SREBF2: variants seen among roughly 807,000 people sequenced by gnomAD.
The protein encoded by SREBF2 is sterol regulatory element binding transcription factor 2, also known as sterol regulatory element-binding protein 2.
A neutral mutation model predicts 113.1 loss-of-function variants in SREBF2; 55 were observed. The ratio of observed to expected loss-of-function variants is 0.49; its 90% CI spans 0.39 to 0.61. The LOEUF (loss-of-function observed/expected upper bound fraction) is 0.61, where lower values mean the gene tolerates loss of function less well. Ranked by LOEUF, SREBF2 falls within the 20% of genes least tolerant of loss-of-function variation. SREBF2 has a pLI of 0.00. For missense variants in SREBF2, 1,349 were observed against 1,487.4 expected, an observed-to-expected ratio of 0.91 and a Z score of 1.53; for synonymous variants, 593 against 605.7, an observed-to-expected ratio of 0.98 and a Z score of 0.31.
intron 1 of SREBF2, among the ~76,000 whole-genome samples, chr22:41,837,643 G>A (rs1291849763): frequency 6.6e-6 from 1 of 151,218 alleles, no homozygotes; most frequent in African/African-American, 2.4e-5. Flanking sequence ...TGGATCACCT[G>A]AGGTTGGGAG....
intron 1 of SREBF2, among the ~76,000 whole-genome samples, chr22:41,843,488 T>G (rs1012129738): frequency 1.3e-5 from 2 of 152,246 alleles, no homozygotes; most frequent in African/African-American, 4.8e-5. Flanking sequence ...CAATCTTTTC[T>G]TCAATTCTGT....
chr22:41,886,725 G>T (rs564621043), intron 11 of SREBF2, among the ~76,000 whole-genome samples: 50 of 152,238 alleles, frequency 3.3e-4, no homozygotes, highest in African/African-American at 1.2e-3. Context: ...ACTTATCAAA[G>T]TACATGCTTA....
In SREBF2 at chr22:41,867,349, T is replaced by G. The variant is rs143651007; in HGVS notation, c.538+69T>G. 6.8e-4 allele frequency: 1,048 copies of G among 1,532,924 alleles called. 6 individuals carry two copies. In the African/African-American group the frequency reaches 0.013, roughly 19 times the overall value. The allele number at this position is 1,532,924 out of a possible 1,614,324, so 95.0% of individuals were successfully genotyped here. On this transcript the variant is annotated intron_variant, in intron 2 of 18. Coordinates refer to ENST00000361204, the MANE Select transcript of SREBF2 (RefSeq NM_004599.4). ...TTTATGTGCCAGTTTGCAGACACTG[T>G]AAATATTTCTGTCGTCTTCAGGAAT...
intron 1 of SREBF2, among the ~76,000 whole-genome samples, chr22:41,846,031 T>C (rs59946017): frequency 2.0e-5 from 3 of 152,200 alleles, no homozygotes; most frequent in African/African-American, 7.2e-5. Flanking sequence ...AACAGCCATT[T>C]TGAAGGGCTT....
At chr22:41,896,366 G>C (rs1049912230) in intron 13 of SREBF2, among the ~76,000 whole-genome samples, 1 of 151,926 alleles carries the variant, frequency 6.6e-6, no homozygotes, top group African/African-American at 2.4e-5. Flanking sequence ...TTTGTTTTTT[G>C]GGGGGTTTTT....
chr22:41,899,054 G>A, intron 15 of SREBF2: 1 of 601,030 alleles, frequency 1.7e-6, no homozygotes, highest in Non-Finnish European at 2.7e-6. Flanking sequence ...AGCCTTCATG[G>A]CGCCACAGGC....
chr22:41,873,742 T>G, intron 4 of SREBF2, 56 bp from the exon 5 acceptor site: 1 of 1,540,004 alleles, frequency 6.5e-7, no homozygotes, highest in South Asian at 1.2e-5. Flanking sequence ...GTGTTGAGGT[T>G]GCTTTATGCA....
At chr22:41,863,739 A>G (rs2077045412) in intron 1 of SREBF2, among the ~76,000 whole-genome samples, 1 of 152,154 alleles carries the variant, frequency 6.6e-6, no homozygotes, top group African/African-American at 2.4e-5. Flanking sequence ...GTCTGGTGAG[A>G]TGCTGTTTTT....
intron 11 of SREBF2, chr22:41,891,360 G>T (rs779753301): frequency 4.6e-5 from 7 of 152,194 alleles, no homozygotes; most frequent in Non-Finnish European, 8.8e-5. Context: ...CAAAGAGGAA[G>T]GACGGACTAT....
intron 13 of SREBF2, among the ~76,000 whole-genome samples, chr22:41,896,467 C>T (rs2077417737): frequency 6.6e-6 from 1 of 152,172 alleles, no homozygotes; most frequent in South Asian, 2.1e-4. Context: ...TCAAGCGGTT[C>T]TCCTGCCTCA....
At chr22:41,846,934 C>T (rs1444563378) in intron 1 of SREBF2, among the ~76,000 whole-genome samples, 5 of 152,070 alleles carry the variant, frequency 3.3e-5, no homozygotes, top group African/African-American at 7.2e-5. Context: ...GGGAAGAAAA[C>T]GAATACTTTT....
At chr22:41,871,253 A>G (rs1336960130) in intron 4 of SREBF2, among the ~76,000 whole-genome samples, 1 of 152,214 alleles carries the variant, frequency 6.6e-6, no homozygotes, top group Non-Finnish European at 1.5e-5. Flanking sequence ...ACAAGGAGGT[A>G]GAAAAGAATA....
In SREBF2 at chr22:41,833,590, C is replaced by A; in HGVS notation, c.88+232C>A. On this transcript the variant is annotated intron_variant, in intron 1 of 18. Coordinates refer to ENST00000361204, the MANE Select transcript of SREBF2 (RefSeq NM_004599.4). This position sits in a 1 kb window ranked among gnomAD's most constrained non-coding sequence, Gnocchi z 4.1. ...ATCTGGGGCGCCGCGGGGCCGAAAG[C>A]GGCGCGAGGGTCGCGGGTTCCAGAG... is the stretch of plus-strand genomic sequence containing the variant. 1 of 417,330 alleles carries A rather than the reference C, an allele frequency of 2.4e-6. No individual in the cohort carries two copies. The highest frequency in any genetic ancestry group is 4.2e-6 in the Non-Finnish European group (1 of 238,644). 25.9% of individuals were successfully genotyped at this position (417,330 alleles called of 1,614,324 possible).
chr22:41,897,242 G>A (rs913231689), intron 14 of SREBF2, 81 bp downstream of exon 14: 8 of 875,100 alleles, frequency 9.1e-6, no homozygotes, highest in Admixed American at 2.4e-5. Flanking sequence ...GGTCCAGGGC[G>A]TTAGGAGTGT....
chr22:41,849,860 C>T (rs1035650532), intron 1 of SREBF2, among the ~76,000 whole-genome samples: 3 of 152,074 alleles, frequency 2.0e-5, no homozygotes, highest in Non-Finnish European at 2.9e-5. Flanking sequence ...TAAGATGGGC[C>T]GGGCTTGGTG....
At position 41,870,888 on chromosome 22, in the gene SREBF2, G is replaced by A; in HGVS notation, c.721-1G>A. ...TTTACTTTTCTTCCTTCTTCATCCAGGTCCTGGTCCAGCCTCAGATCATCA... is the reference window on the plus strand; with the variant it reads ...TTTACTTTTCTTCCTTCTTCATCCAAGTCCTGGTCCAGCCTCAGATCATCA... On this transcript the variant is annotated splice_acceptor_variant, in intron 3 of 18. Transcript: ENST00000361204. LOFTEE classifies it high-confidence loss of function. The A allele has an allele frequency of 1.9e-6, 3 of 1,614,046 alleles. No individual in the cohort carries two copies. The highest frequency in any genetic ancestry group is 2.5e-6 in the Non-Finnish European group (3 of 1,180,014).
chr22:41,905,338 A>G, intron 18 of SREBF2, 102 bp from the exon 19 acceptor site: 1 of 1,164,246 alleles, frequency 8.6e-7, no homozygotes, highest in Non-Finnish European at 1.2e-6. Context: ...CCCACCTCCC[A>G]GGATGGATGT....
Position 41,905,483 on chromosome 22 carries a change from C to T in SREBF2, c.3249C>T (p.Ala1083=), listed in dbSNP as rs775738568. ...CCGGCCAGCGAGAGCGGGCCACCGC[C>T]ATCCTGCTGGCCTGCCGCCACCTGC... The part of the protein sequence containing the change: ...AWPGQRERAT[A]ILLACRHLPL... Residue 1083 remains alanine (A), a synonymous_variant, in exon 19 of 19, where the codon GCC becomes GCT. Coordinates refer to ENST00000361204, the MANE Select transcript of SREBF2 (RefSeq NM_004599.4). The T allele has an allele frequency of 1.4e-5, 22 of 1,580,648 alleles. No individual in the cohort carries two copies. The highest frequency in any genetic ancestry group is 1.8e-5 in the Non-Finnish European group (21 of 1,163,978).
intron 14 of SREBF2, among the ~76,000 whole-genome samples, 157 bp from the exon 15 acceptor site, chr22:41,898,492 C>T (rs1470168725): frequency 6.6e-6 from 1 of 152,202 alleles, no homozygotes; most frequent in East Asian, 1.9e-4. Context: ...TATTCCCCTC[C>T]CCCAGAATCC....
Sources: allele counts gnomAD v4.1 joint callset (sites outside exome capture counted in the v4.1 genomes callset), GRCh38; gene constraint gnomAD v4.1.1; non-coding constraint Gnocchi (gnomAD v3.1); transcripts MANE v1.5; gene names NCBI Gene and HGNC (gene_info 2026-07-23, HGNC 2026-07-21).